The following UNC80 variants were observed in gnomAD, a reference collection of about 807,000 sequenced individuals.
UNC80 encodes the protein protein unc-80 homolog.
UNC80 carries 164 observed loss-of-function variants against 384.6 expected under a neutral mutation model. The observed-to-expected ratio is 0.43, with a 90% CI of 0.38 to 0.49. UNC80 has a LOEUF of 0.49. Among genes scored for constraint, UNC80 ranks in the 20% least tolerant of loss-of-function variants. The pLI is 0.00. For synonymous variants in UNC80, 1,486 were observed against 1,527.8 expected, an observed-to-expected ratio of 0.97 and a Z score of 0.64; for missense variants, 3,330 against 4,143.0, an observed-to-expected ratio of 0.80 and a Z score of 5.39.
At chr2:209,947,033 G>A (rs2091945381) in intron 47 of UNC80, among the ~76,000 whole-genome samples, 1 of 152,152 alleles carries the variant, frequency 6.6e-6, no homozygotes, top group Non-Finnish European at 1.5e-5. Flanking sequence ...CTGTGGTCAG[G>A]CACGGATGTG....
chr2:209,879,188 A>T (rs1466213991), intron 24 of UNC80, among the ~76,000 whole-genome samples: 1 of 152,158 alleles, frequency 6.6e-6, no homozygotes. Context: ...AGATATCTAA[A>T]GTAGCCTAGA....
chr2:209,990,800 A>C (rs2093378064), intron 61 of UNC80, among the ~76,000 whole-genome samples: 1 of 152,234 alleles, frequency 6.6e-6, no homozygotes, highest in Non-Finnish European at 1.5e-5. Context: ...TGAAGTTGAC[A>C]TTCAGGAGAA....
chr2:209,842,560 T>C (rs2081843871), intron 21 of UNC80, 114 bp downstream of exon 21: 4 of 774,768 alleles, frequency 5.2e-6, no homozygotes, highest in Middle Eastern at 2.5e-4. Context: ...CATTTCTTTC[T>C]CATACATGCC....
At position 209,978,566 on chromosome 2, in the gene UNC80, C is replaced by T. The variant is rs2093071242; in HGVS notation, c.8976C>T (p.Thr2992=). 2.6e-6 allele frequency: 4 copies of T among 1,550,864 alleles called. No individual in the cohort carries two copies. Among genetic ancestry groups the T allele is most frequent in the Non-Finnish European group, 3.5e-6 (4 of 1,146,462 alleles). The change falls in exon 59 of 65, where the codon ACC becomes ACT. Residue 2992 remains threonine (T), a synonymous_variant. Coordinates refer to ENST00000673920, the MANE Select transcript of UNC80 (RefSeq NM_001371986.1). ...AGACATCCATCAGTACCGTGGGCACCTCCACCTCTGCTTACCGCCTGAGCT... is the reference window on the plus strand; with the variant it reads ...AGACATCCATCAGTACCGTGGGCACTTCCACCTCTGCTTACCGCCTGAGCT... The part of the protein sequence containing the change: ...QGKTSISTVG[T]STSAYRLSLA...
At chr2:209,855,266 A>G (rs1473353517) in intron 22 of UNC80, among the ~76,000 whole-genome samples, 1 of 152,154 alleles carries the variant, frequency 6.6e-6, no homozygotes, top group Admixed American at 6.5e-5. Context: ...GGACACATGG[A>G]CACAGGGGAA....
At chr2:209,811,970 A>G (rs371618312) in intron 7 of UNC80, among the ~76,000 whole-genome samples, 6 of 152,348 alleles carry the variant, frequency 3.9e-5, no homozygotes, top group African/African-American at 9.6e-5. Context: ...CAATGACTCA[A>G]AACAAATGGT....
At chr2:209,850,832 C>T (rs982719926) in intron 22 of UNC80, among the ~76,000 whole-genome samples, 2 of 151,952 alleles carry the variant, frequency 1.3e-5, no homozygotes, top group Non-Finnish European at 2.9e-5. Flanking sequence ...AATCAAAGTA[C>T]AGTGAGATGT....
At chr2:209,855,441 G>A (rs1248612541) in intron 22 of UNC80, among the ~76,000 whole-genome samples, 1 of 151,616 alleles carries the variant, frequency 6.6e-6, no homozygotes, top group Non-Finnish European at 1.5e-5. Context: ...GCACATCCTG[G>A]GCATGTACCC....
chr2:209,853,641 A>AAT (rs1258005381), intron 22 of UNC80, among the ~76,000 whole-genome samples: 1 of 152,108 alleles, frequency 6.6e-6, no homozygotes, highest in African/African-American at 2.4e-5. Context: ...ACAAAACTAA[A>AAT]AAGAAAATAA....
At chr2:209,894,656 C>T (rs547713266) in intron 27 of UNC80, among the ~76,000 whole-genome samples, 110 of 152,104 alleles carry the variant, frequency 7.2e-4, no homozygotes, top group Middle Eastern at 3.4e-3. Flanking sequence ...CTGGTGGAGC[C>T]GATGCTGCTG....
At chr2:209,795,001 C>T (rs2078065417) in intron 7 of UNC80, 2 of 321,380 alleles carry the variant, frequency 6.2e-6, no homozygotes, top group Non-Finnish European at 1.2e-5. Flanking sequence ...GGGTAACAGG[C>T]AGAGATTGGA....
chr2:209,980,884 A>G (rs191837911), intron 59 of UNC80, among the ~76,000 whole-genome samples: 7 of 152,336 alleles, frequency 4.6e-5, no homozygotes, highest in Admixed American at 2.0e-4. Context: ...GATTTGGGAA[A>G]GGGCTCTGTA....
intron 25 of UNC80, among the ~76,000 whole-genome samples, chr2:209,886,323 A>G (rs1315593548): frequency 6.6e-6 from 1 of 151,866 alleles, no homozygotes; most frequent in African/African-American, 2.4e-5. Flanking sequence ...CATGGCTGCA[A>G]TCCCAACACT....
intron 59 of UNC80, among the ~76,000 whole-genome samples, chr2:209,980,153 C>T (rs1212934283): frequency 3.9e-5 from 6 of 152,080 alleles, no homozygotes; most frequent in African/African-American, 1.4e-4. Context: ...ACTGAGAAAA[C>T]ACCATGAAAG....
chr2:209,790,846 T>A (rs1303650937), intron 6 of UNC80, among the ~76,000 whole-genome samples: 4 of 152,172 alleles, frequency 2.6e-5, no homozygotes, highest in African/African-American at 9.7e-5. Flanking sequence ...CCTAAATAAA[T>A]GTAAAATAGC....
At chr2:209,905,098 G>A in intron 29 of UNC80, 133 bp downstream of exon 29, 6 of 881,344 alleles carry the variant, frequency 6.8e-6, no homozygotes, top group Non-Finnish European at 1.0e-5. Flanking sequence ...AACATAAGCA[G>A]AAGAGATGTA....
intron 47 of UNC80, among the ~76,000 whole-genome samples, chr2:209,948,039 G>T (rs1410921755): frequency 7.3e-6 from 1 of 136,616 alleles, no homozygotes; most frequent in East Asian, 1.9e-4. Flanking sequence ...ACTTATAATA[G>T]TCATAATAAT....
At chr2:209,889,769 C>CTGAGAATGATGGTTTCCA (rs1207239764) in intron 26 of UNC80, among the ~76,000 whole-genome samples, 1 of 152,212 alleles carries the variant, frequency 6.6e-6, no homozygotes, top group Non-Finnish European at 1.5e-5. Flanking sequence ...TGTTAGTTTG[C>CTGAGAATGATGGTTTCCA]TGAGAATGAT....
At chr2:209,867,195 G>A (rs1476649733) in intron 22 of UNC80, among the ~76,000 whole-genome samples, 1 of 152,194 alleles carries the variant, frequency 6.6e-6, no homozygotes, top group Non-Finnish European at 1.5e-5. Flanking sequence ...TGTGAGAAAT[G>A]CAAATTTCCA....
Sources: allele counts gnomAD v4.1 joint callset (sites outside exome capture counted in the v4.1 genomes callset), GRCh38; gene constraint gnomAD v4.1.1; transcripts MANE v1.5; gene names NCBI Gene and HGNC (gene_info 2026-07-23, HGNC 2026-07-21).